Variants in HS2ST1 observed in about 807,000 individuals in gnomAD.
The protein encoded by HS2ST1 is heparan sulfate 2-O-sulfotransferase 1.
A neutral mutation model predicts 42.9 loss-of-function variants in HS2ST1; 18 were observed. The observed-to-expected ratio is 0.42, with a 90% CI of 0.29 to 0.62. The LOEUF is 0.62. Among genes scored for constraint, HS2ST1 ranks in the 20% least tolerant of loss-of-function variants. The pLI is 0.21. For synonymous variants in HS2ST1, 146 were observed against 152.9 expected, an observed-to-expected ratio of 0.95 and a Z score of 0.33; for missense variants, 334 against 433.8, an observed-to-expected ratio of 0.77 and a Z score of 2.04.
intron 1 of HS2ST1, among the ~76,000 whole-genome samples, chr1:87,016,062 A>G (rs946600711): frequency 1.3e-5 from 2 of 149,308 alleles, no homozygotes; most frequent in Admixed American, 6.6e-5. Flanking sequence ...TGATCCGCCA[A>G]CCTCGGCCTC....
At chr1:86,952,348 C>G (rs1243501749) in intron 1 of HS2ST1, among the ~76,000 whole-genome samples, 9 of 152,048 alleles carry the variant, frequency 5.9e-5, no homozygotes, top group Non-Finnish European at 1.3e-4. Flanking sequence ...AGTGATTCTC[C>G]TGCCTCAGTC....
At chr1:87,091,453 A>G (rs1651940626) in intron 3 of HS2ST1, among the ~76,000 whole-genome samples, 2 of 152,012 alleles carry the variant, frequency 1.3e-5, no homozygotes, top group Non-Finnish European at 2.9e-5. Context: ...TTTGGGTTTC[A>G]TATCGATAAA....
Position 87,065,299 on chromosome 1 carries a change from A to G in HS2ST1, c.125-7635A>G, listed in dbSNP as rs569134165. On this transcript the variant is annotated intron_variant, in intron 1 of 6. Coordinates refer to ENST00000370550, the MANE Select transcript of HS2ST1 (RefSeq NM_012262.4). ...TTAATTCAGACATTTAATGGCACTG[A>G]GCTTTTAGAGCCTAGCTTATCTAGC... Among the ~76,000 whole-genome samples, 179 of 152,342 alleles carry G rather than the reference A, an allele frequency of 1.2e-3. 1 individual carries two copies. Among genetic ancestry groups the G allele is most frequent in the African/African-American group, 4.0e-3 (168 of 41,578 alleles).
At chr1:87,030,022 C>T (rs866858855) in intron 1 of HS2ST1, among the ~76,000 whole-genome samples, 10 of 152,232 alleles carry the variant, frequency 6.6e-5, no homozygotes, top group Middle Eastern at 6.8e-3. Flanking sequence ...AAGCAAAACA[C>T]GCTAGCACTT....
intron 1 of HS2ST1, among the ~76,000 whole-genome samples, chr1:86,977,833 G>A (rs1253049771): frequency 1.3e-5 from 2 of 152,110 alleles, no homozygotes; most frequent in Non-Finnish European, 2.9e-5. Flanking sequence ...ATAAAGATAC[G>A]GAGAACATGA....
chr1:86,993,135 AT>A, intron 1 of HS2ST1: 1 of 1,600,108 alleles, frequency 6.2e-7, no homozygotes, highest in Non-Finnish European at 8.5e-7. Context: ...CAGGTACTGT[AT>A]TTTGGGGTAG....
intron 1 of HS2ST1, among the ~76,000 whole-genome samples, chr1:86,966,050 G>T (rs1342828443): frequency 1.3e-5 from 2 of 152,228 alleles, no homozygotes; most frequent in Non-Finnish European, 1.5e-5. Flanking sequence ...ACTAGCGGAA[G>T]ATTGGAGGAC....
rs992608710 is a variant in HS2ST1 at position 86,923,869 on chromosome 1, C to T, written c.124+8709C>T. ...GACACAGCCAATCCATATCATTCCA[C>T]CCCTGGCCCCTCCCAAATCTCATGT... On this transcript the variant is annotated intron_variant, in intron 1 of 6. Coordinates refer to ENST00000370550, the MANE Select transcript of HS2ST1 (RefSeq NM_012262.4). Among the ~76,000 whole-genome samples, 4 of 152,262 alleles carry T rather than the reference C, an allele frequency of 2.6e-5. No homozygotes were observed. In the East Asian group the frequency reaches 5.8e-4, roughly 22 times the overall value.
intron 1 of HS2ST1, among the ~76,000 whole-genome samples, chr1:87,009,249 TTAAACTGTGTA>T (rs1250093447): frequency 6.6e-6 from 1 of 152,204 alleles, no homozygotes; most frequent in Non-Finnish European, 1.5e-5. Flanking sequence ...CTCCATCCCT[TTAAACTGTGTA>T]TAAAACAGTA....
chr1:87,004,142 C>T (rs1387695811), intron 1 of HS2ST1, among the ~76,000 whole-genome samples: 1 of 152,032 alleles, frequency 6.6e-6, no homozygotes, highest in Admixed American at 6.6e-5. Flanking sequence ...TGTAATCCCA[C>T]CACTTTGGGA....
intron 4 of HS2ST1, among the ~76,000 whole-genome samples, chr1:87,097,295 G>A (rs1409235633): frequency 6.6e-6 from 1 of 152,224 alleles, no homozygotes; most frequent in Non-Finnish European, 1.5e-5. Context: ...AAGTTATGTA[G>A]ATAAAGATAT....
At chr1:86,942,351 A>G (rs1660782370) in intron 1 of HS2ST1, among the ~76,000 whole-genome samples, 1 of 152,202 alleles carries the variant, frequency 6.6e-6, no homozygotes, top group South Asian at 2.1e-4. Context: ...AAATTTAGAT[A>G]ATGAATAGAA....
At chr1:87,074,680 GTTATGTA>G (rs1382501624) in intron 2 of HS2ST1, among the ~76,000 whole-genome samples, 2 of 151,688 alleles carry the variant, frequency 1.3e-5, no homozygotes, top group Admixed American at 1.3e-4. Context: ...TAACTTGTTG[GTTATGTA>G]TAGGAAAAAA....
At chr1:87,006,548 A>G (rs1253183415) in intron 1 of HS2ST1, among the ~76,000 whole-genome samples, 2 of 152,172 alleles carry the variant, frequency 1.3e-5, no homozygotes, top group African/African-American at 2.4e-5. Flanking sequence ...TGCACAGATG[A>G]TTAATAGCCA....
At chr1:87,078,001 T>C (rs895153978) in intron 2 of HS2ST1, among the ~76,000 whole-genome samples, 4 of 152,196 alleles carry the variant, frequency 2.6e-5, no homozygotes, top group African/African-American at 9.7e-5. Context: ...TTCCTGTGAG[T>C]GTAGAAAACT....
At chr1:87,047,382 T>G (rs1650710384) in intron 1 of HS2ST1, among the ~76,000 whole-genome samples, 1 of 152,154 alleles carries the variant, frequency 6.6e-6, no homozygotes, top group Non-Finnish European at 1.5e-5. Context: ...TTTTCCTTTA[T>G]GTGGCTTTCC....
chr1:87,076,835 C>A (rs1001038373), intron 2 of HS2ST1, among the ~76,000 whole-genome samples: 3 of 152,060 alleles, frequency 2.0e-5, no homozygotes, highest in Admixed American at 6.6e-5. Context: ...ATATATAACC[C>A]CTTTTGTTAA....
At chr1:87,097,140 T>C (rs1652086447) in intron 4 of HS2ST1, among the ~76,000 whole-genome samples, 1 of 152,212 alleles carries the variant, frequency 6.6e-6, no homozygotes, top group South Asian at 2.1e-4. Flanking sequence ...ATATTAATAG[T>C]GCAAGTGGTT....
chr1:87,043,810 A>G (rs190544142), intron 1 of HS2ST1, among the ~76,000 whole-genome samples: 9 of 152,220 alleles, frequency 5.9e-5, no homozygotes, highest in African/African-American at 1.9e-4. Flanking sequence ...GCTATGAAAT[A>G]TATGTATAGA....
Sources: allele counts gnomAD v4.1 joint callset (sites outside exome capture counted in the v4.1 genomes callset), GRCh38; gene constraint gnomAD v4.1.1; transcripts MANE v1.5; gene names NCBI Gene and HGNC (gene_info 2026-07-23, HGNC 2026-07-21).